SULT1E1: variants seen among roughly 807,000 people sequenced by gnomAD.
SULT1E1 encodes sulfotransferase 1E1.
SULT1E1 carries 36 observed loss-of-function variants against 33.6 expected under a neutral mutation model. That is an observed-to-expected ratio of 1.07 (90% confidence interval 0.82 to 1.41). The LOEUF (loss-of-function observed/expected upper bound fraction) is 1.41, where lower values mean the gene tolerates loss of function less well. Ranked by LOEUF, SULT1E1 falls within the 40% of genes most tolerant of loss-of-function variation. The pLI is 0.00. For missense variants in SULT1E1, 371 were observed against 345.7 expected (o/e 1.07, Z -0.58); for synonymous variants, 121 against 111.7 (o/e 1.08, Z -0.53).
intron 6 of SULT1E1, among the ~76,000 whole-genome samples, chr4:69,846,822 T>TCTCA (rs1720986770): frequency 6.6e-6 from 1 of 151,636 alleles, no homozygotes; most frequent in Non-Finnish European, 1.5e-5. Context: ...AAAACAGGTA[T>TCTCA]CTCATAGTGA....
At chr4:69,825,333 G>T in the SULT1E1 span, among the ~76,000 whole-genome samples, 2 of 152,194 alleles carry the variant, frequency 1.3e-5, no homozygotes, top group Non-Finnish European at 2.9e-5. Context: ...CACCGCGAGG[G>T]TCTGTGGCTT....
the SULT1E1 span, among the ~76,000 whole-genome samples, chr4:69,825,851 T>A: frequency 2.0e-5 from 3 of 152,172 alleles, no homozygotes; most frequent in African/African-American, 7.2e-5. Context: ...TCCTCTTGCC[T>A]CTCTTCTCCG....
At chr4:69,835,901 C>A in the SULT1E1 span, among the ~76,000 whole-genome samples, 2 of 152,154 alleles carry the variant, frequency 1.3e-5, no homozygotes, top group Non-Finnish European at 2.9e-5. Context: ...TCCTTGGCGT[C>A]CCAGTGTGCT....
chr4:69,857,390 A>C, intron 2 of SULT1E1, 110 bp downstream of exon 2: 1 of 1,350,302 alleles, frequency 7.4e-7, no homozygotes, highest in Non-Finnish European at 1.0e-6. Context: ...AAACTACCGC[A>C]TCTGTTCTTA....
chr4:69,833,396 T>G, the SULT1E1 span, among the ~76,000 whole-genome samples: 2 of 152,196 alleles, frequency 1.3e-5, no homozygotes, highest in Non-Finnish European at 1.5e-5. Flanking sequence ...TACAATGTAA[T>G]TTCCTAATAA....
At chr4:69,857,686 G>A in intron 1 of SULT1E1, 33 bp from the exon 2 acceptor site, 8 of 1,536,388 alleles carry the variant, frequency 5.2e-6, no homozygotes, top group Non-Finnish European at 7.0e-6. Context: ...TACTTTGTAT[G>A]TACTTAACAA....
chr4:69,849,104 T>A (rs955561079), intron 5 of SULT1E1: 1 of 183,320 alleles, frequency 5.5e-6, no homozygotes. Context: ...AATAATACGG[T>A]GTAAAACATT....
At chr4:69,844,037 G>T in intron 7 of SULT1E1, 124 bp downstream of exon 7, 1 of 815,034 alleles carries the variant, frequency 1.2e-6, no homozygotes, top group Non-Finnish European at 2.1e-6. Flanking sequence ...ATTCAAATAT[G>T]AAAGACTGCT....
chr4:69,849,541 G>T lies in SULT1E1; in HGVS notation c.392C>A (p.Ala131Glu). Residue 131 changes from alanine (A) to glutamate (E), a missense_variant, in exon 5 of 8, where the codon GCA becomes GAA. Coordinates refer to ENST00000226444, the MANE Select transcript of SULT1E1 (RefSeq NM_005420.3). ...ATAAAAGGAAACAGCCACATCCTTT[G>T]CATTCCGGCAAAGATAGATTATCTA... is the stretch of plus-strand genomic sequence containing the variant. ...DCKIIYLCRN[A>E]KDVAVSFYYF... 1 of 1,606,866 alleles carries T rather than the reference G, an allele frequency of 6.2e-7. No individual in the cohort carries two copies. Among genetic ancestry groups the T allele is most frequent in the Non-Finnish European group, 8.5e-7 (1 of 1,176,686 alleles).
chr4:69,841,418 A>G lies in SULT1E1; in HGVS notation c.*576T>C, dbSNP rs1371919509. ...ATTTCTCATATGCATGTACAGCTCAATAAACATGTTACCTGGGCCAGGCAT... is the reference window on the plus strand; with the variant it reads ...ATTTCTCATATGCATGTACAGCTCAGTAAACATGTTACCTGGGCCAGGCAT... On this transcript the variant is annotated 3_prime_UTR_variant, in exon 8 of 8. Coordinates refer to ENST00000226444, the MANE Select transcript of SULT1E1 (RefSeq NM_005420.3). 1.3e-5 allele frequency: 2 copies of G among 152,256 alleles called. No individual in the cohort carries two copies. Among genetic ancestry groups the G allele is most frequent in the East Asian group, 3.9e-4 (2 of 5,188 alleles). The allele number at this position is 152,256 out of a possible 1,614,324, so 9.4% of individuals were successfully genotyped here.
At chr4:69,846,543 A>G (rs1037138069) in intron 6 of SULT1E1, among the ~76,000 whole-genome samples, 1 of 151,386 alleles carries the variant, frequency 6.6e-6, no homozygotes, top group African/African-American at 2.4e-5. Flanking sequence ...GTTGTTTTCA[A>G]TTTTTGCAGT....
At position 69,849,349 on chromosome 4, in the gene SULT1E1, A is replaced by G. The variant is rs1178531727; in HGVS notation, c.496+88T>C. On this transcript the variant is annotated intron_variant, in intron 5 of 7. Coordinates refer to ENST00000226444, the MANE Select transcript of SULT1E1 (RefSeq NM_005420.3). ...AACTATGAATCAGGGAAGAAAACGT[A>G]CCAGAACAGTTAAAAACTTTTACTT... 3.4e-6 allele frequency: 5 copies of G among 1,490,318 alleles called. No homozygotes were observed. The African/African-American group carries it at 7.0e-5, about 21-fold the overall frequency. 92.3% of individuals were successfully genotyped at this position (1,490,318 alleles called of 1,614,324 possible). A position where few individuals can be genotyped will look rare whatever the true frequency, so the allele number is the denominator to read the frequency against.
chr4:69,852,946 A>T (rs1721157763), intron 4 of SULT1E1, among the ~76,000 whole-genome samples: 3 of 152,100 alleles, frequency 2.0e-5, no homozygotes, highest in Non-Finnish European at 4.4e-5. Flanking sequence ...TCTCCTGGAA[A>T]GTACATAACT....
chr4:69,841,008 C>T (rs1445149872), downstream of SULT1E1, among the ~76,000 whole-genome samples: 3 of 152,010 alleles, frequency 2.0e-5, no homozygotes, highest in African/African-American at 4.8e-5. Context: ...GCAGAGATCA[C>T]GCCACTGCAC....
rs770525356 is a variant in SULT1E1 at position 69,844,322 on chromosome 4, A to G, written c.611T>C (p.Ile204Thr). ...CCTTTCCAGGAAATGTATCAATTTTATCACCTCTTTTCTGATATCCTAGGG... is the reference window on the plus strand; with the variant it reads ...CCTTTCCAGGAAATGTATCAATTTTGTCACCTCTTTTCTGATATCCTAGGG... The part of the protein sequence containing the change: ...DLKEDIRKEV[I>T]KLIHFLERKP... Residue 204 changes from isoleucine (I) to threonine (T), a missense_variant, in exon 7 of 8, where the codon ATA becomes ACA. By Grantham distance (89) the Ile-to-Thr change is moderately conservative. Transcript: ENST00000226444. The G allele has an allele frequency of 6.2e-7, 1 of 1,613,316 alleles. No homozygotes were observed. The highest frequency in any genetic ancestry group is 1.1e-5 in the South Asian group (1 of 90,966).
At chr4:69,829,054 T>C in the SULT1E1 span, among the ~76,000 whole-genome samples, 1 of 152,180 alleles carries the variant, frequency 6.6e-6, no homozygotes, top group African/African-American at 2.4e-5. Flanking sequence ...AAAAATAGTC[T>C]GACTAATCGG....
At chr4:69,822,869 A>G in the SULT1E1 span, among the ~76,000 whole-genome samples, 1 of 152,018 alleles carries the variant, frequency 6.6e-6, no homozygotes. Flanking sequence ...GCACAAATAA[A>G]GAAAAAAGTG....
downstream of SULT1E1, among the ~76,000 whole-genome samples, chr4:69,836,785 T>C (rs141851061): frequency 2.9e-4 from 44 of 152,358 alleles, no homozygotes; most frequent in Non-Finnish European, 5.3e-4. Flanking sequence ...TCTGTAATAA[T>C]ACTGTGTTCC....
In SULT1E1 at chr4:69,844,310, T is replaced by C; in HGVS notation, c.623A>G (p.His208Arg). ...DIRKEVIKLIHFLERKPSEEL... is the reference protein window; with the variant it reads ...DIRKEVIKLIRFLERKPSEEL... ...CTCTGATGGCTTCCTTTCCAGGAAA[T>C]GTATCAATTTTATCACCTCTTTTCT... Residue 208 changes from histidine (H) to arginine (R), a missense_variant, in exon 7 of 8, where the codon CAT becomes CGT. His to Arg is a conservative substitution (Grantham distance 29). Transcript: ENST00000226444. 6.2e-7 allele frequency: 1 copy of C among 1,613,544 alleles called. No individual in the cohort carries two copies. The highest frequency in any genetic ancestry group is 8.5e-7 in the Non-Finnish European group (1 of 1,179,680).
Sources: gnomAD v4.1 joint callset for allele counts (sites outside exome capture counted in the v4.1 genomes callset) on GRCh38, gnomAD v4.1.1 for gene constraint, MANE v1.5 for transcripts, NCBI Gene and HGNC (gene_info 2026-07-23, HGNC 2026-07-21) for gene names.